Variants in CD33 observed in about 807,000 individuals in gnomAD.
CD33 encodes the protein CD33 molecule.
In CD33, 25 loss-of-function variants were observed where a neutral mutation model predicts 31.4. That is an observed-to-expected ratio of 0.80 (90% CI 0.58 to 1.11). The LOEUF (loss-of-function observed/expected upper bound fraction) is 1.11, where lower values mean the gene tolerates loss of function less well. CD33 is among the 50% of genes most tolerant of loss of function. The pLI is 0.00. For missense variants in CD33, 407 were observed against 448.1 expected, an observed-to-expected ratio of 0.91 and a Z score of 0.83; for synonymous variants, 176 against 180.6, an observed-to-expected ratio of 0.97 and a Z score of 0.20.
At position 51,237,643 on chromosome 19, in the gene CD33, G is replaced by A. The variant is rs541457336; in HGVS notation, c.925-1875G>A. The stretch of plus-strand genomic sequence containing the variant: ...GACAGTGTGGATAAGGCAGAGTTAC[G>A]TGTTGGGGGTGGAGTGTGGACTGAA... On this transcript the variant is annotated intron_variant, in intron 6 of 6. Coordinates refer to ENST00000262262, the MANE Select transcript of CD33 (RefSeq NM_001772.4). 5.2e-5 allele frequency: 8 copies of A among 152,402 alleles called. No individual in the cohort carries two copies. In the East Asian group the frequency reaches 5.8e-4, roughly 11 times the overall value. The allele number at this position is 152,402 out of a possible 1,614,324, so 9.4% of individuals were successfully genotyped here.
chr19:51,224,379 A>G (rs1980838965), upstream of CD33, among the ~76,000 whole-genome samples: 1 of 152,156 alleles, frequency 6.6e-6, no homozygotes, highest in Non-Finnish European at 1.5e-5. Context: ...GAAGTTTGGC[A>G]GTAACTCAAG....
intron 6 of CD33, chr19:51,239,263 G>T (rs896887179): frequency 1.2e-5 from 4 of 326,006 alleles, no homozygotes; most frequent in African/African-American, 8.5e-5. Context: ...TGCCAAAGAT[G>T]ATGTCAGTGT....
chr19:51,230,189 G>T (rs562190608), intron 4 of CD33, among the ~76,000 whole-genome samples: 2 of 151,902 alleles, frequency 1.3e-5, no homozygotes, highest in Non-Finnish European at 2.9e-5. Flanking sequence ...GTTTCCCTTG[G>T]TATTGATTTT....
At chr19:51,229,149 A>G (rs1243374905) in intron 4 of CD33, among the ~76,000 whole-genome samples, 2 of 152,206 alleles carry the variant, frequency 1.3e-5, no homozygotes, top group Non-Finnish European at 2.9e-5. Context: ...TATTTAGGTG[A>G]TCATACGGTT....
rs143432978 is a variant in CD33, at chr19:51,235,073, C to T, written c.746-84C>T. On this transcript the variant is annotated intron_variant, in intron 4 of 6. Transcript: ENST00000262262. The stretch of plus-strand genomic sequence containing the variant: ...CTAAACCCCATTTTGGAGGTGAAGT[C>T]ACCCCTCTCTACATGCTGGAGAGGA... 577 of 1,107,436 alleles carry T rather than the reference C, an allele frequency of 5.2e-4. 4 individuals carry two copies. The African/African-American group carries it at 8.1e-3, about 16-fold the overall frequency. The allele number at this position is 1,107,436 out of a possible 1,614,324, so 68.6% of individuals were successfully genotyped here.
At chr19:51,219,036 ATTTTTT>A in the CD33 span, among the ~76,000 whole-genome samples, 6 of 151,862 alleles carry the variant, frequency 4.0e-5, no homozygotes, top group South Asian at 1.3e-3. Flanking sequence ...GAATTTTAGA[ATTTTTT>A]TTCAAATTAT....
At chr19:51,235,834 C>G (rs1241232802) in intron 6 of CD33, 158 bp downstream of exon 6, 1 of 742,118 alleles carries the variant, frequency 1.3e-6, no homozygotes, top group South Asian at 1.5e-5. Context: ...TACGTTGAGG[C>G]CAACAGATCA....
chr19:51,237,159 A>AT (rs367547891), intron 6 of CD33: 6,227 of 150,310 alleles, frequency 0.041, 425 homozygotes, highest in African/African-American at 0.14. Flanking sequence ...TCAAGCTCTG[A>AT]TTTTTTTTTT....
chr19:51,225,051 G>T, upstream of CD33: 1 of 1,596,028 alleles, frequency 6.3e-7, no homozygotes, highest in African/African-American at 1.3e-5. Context: ...CGGCCCTGTA[G>T]TCCTTCCCCT....
chr19:51,235,847 A>G (rs1981749339), intron 6 of CD33, 171 bp downstream of exon 6: 1 of 721,670 alleles, frequency 1.4e-6, no homozygotes, highest in African/African-American at 1.7e-5. Context: ...ACAGATCAGG[A>G]GATGATGGCC....
At chr19:51,239,309 G>A in intron 6 of CD33, 1 of 409,916 alleles carries the variant, frequency 2.4e-6, no homozygotes, top group Non-Finnish European at 4.3e-6. Context: ...GTCTCTGTGA[G>A]TATTCAAGAG....
rs1981707283 is a variant in CD33 at position 51,235,355 on chromosome 19, G to A, written c.842+102G>A. The A allele has an allele frequency of 7.8e-6, 10 of 1,277,274 alleles. No individual in the cohort carries two copies. In the South Asian group the frequency reaches 1.1e-4, roughly 15 times the overall value. The allele number at this position is 1,277,274 out of a possible 1,614,324, so 79.1% of individuals were successfully genotyped here. ...TGTGAGGGCTGGAGAAAGGGCAGGGGGTGTGATGATGTACAGAATCCAGCC... is the reference window on the plus strand; with the variant it reads ...TGTGAGGGCTGGAGAAAGGGCAGGGAGTGTGATGATGTACAGAATCCAGCC... On this transcript the variant is annotated intron_variant, in intron 5 of 6. Transcript: ENST00000262262.
upstream of CD33, among the ~76,000 whole-genome samples, chr19:51,221,155 G>C (rs1040104458): frequency 6.6e-6 from 1 of 152,208 alleles, no homozygotes; most frequent in African/African-American, 2.4e-5. Flanking sequence ...GCCCTCACCA[G>C]AAGCAAATGC....
the CD33 span, among the ~76,000 whole-genome samples, chr19:51,214,354 T>C: frequency 9.9e-5 from 15 of 152,046 alleles, no homozygotes; most frequent in East Asian, 7.7e-4. Flanking sequence ...CATGCCAGCA[T>C]GCCCAGCTAT....
chr19:51,234,557 A>T (rs1981644051), intron 4 of CD33, among the ~76,000 whole-genome samples: 1 of 152,142 alleles, frequency 6.6e-6, no homozygotes, highest in African/African-American at 2.4e-5. Context: ...GCCCAGTGAG[A>T]GCAGGAACAG....
chr19:51,237,907 T>C (rs911867897), intron 6 of CD33: 1 of 152,218 alleles, frequency 6.6e-6, no homozygotes, highest in African/African-American at 2.4e-5. Context: ...TCAGACTTAG[T>C]CCCAAGTAAG....
upstream of CD33, among the ~76,000 whole-genome samples, chr19:51,223,682 A>C (rs1375606370): frequency 3.3e-5 from 5 of 152,314 alleles, no homozygotes; most frequent in East Asian, 9.6e-4. Context: ...AATGGAAAAG[A>C]AGTTTTTTCT....
the CD33 span, chr19:51,211,519 T>A: frequency 2.0e-6 from 3 of 1,533,902 alleles, no homozygotes; most frequent in South Asian, 3.8e-5. Flanking sequence ...TCGTTCATAC[T>A]TCTTTCGGAT....
chr19:51,213,694 G>A, the CD33 span, among the ~76,000 whole-genome samples: 1 of 150,752 alleles, frequency 6.6e-6, no homozygotes, highest in Non-Finnish European at 1.5e-5. Flanking sequence ...CCACCACAAT[G>A]CCTGGCTATT....
Sources: gnomAD v4.1 joint callset for allele counts (sites outside exome capture counted in the v4.1 genomes callset) on GRCh38, gnomAD v4.1.1 for gene constraint, MANE v1.5 for transcripts, NCBI Gene and HGNC (gene_info 2026-07-23, HGNC 2026-07-21) for gene names.